PTPRD: variants seen among roughly 807,000 people sequenced by gnomAD.
PTPRD encodes the protein receptor-type tyrosine-protein phosphatase delta.
In PTPRD, 34 loss-of-function variants were observed where a neutral mutation model predicts 214.5. That is an observed-to-expected ratio of 0.16 (90% confidence interval 0.12 to 0.21). PTPRD has a LOEUF of 0.21. PTPRD is among the 10% of genes least tolerant of loss of function. The pLI is 1.00. For missense variants in PTPRD, 2,545 were observed against 2,398.7 expected, an observed-to-expected ratio of 1.06 and a Z score of -1.27; for synonymous variants, 1,128 against 845.7, an observed-to-expected ratio of 1.33 and a Z score of -5.79.
At chr9:8,809,492 G>A (rs1049069138) in intron 11 of PTPRD, among the ~76,000 whole-genome samples, 2 of 152,122 alleles carry the variant, frequency 1.3e-5, no homozygotes, top group East Asian at 1.9e-4. Flanking sequence ...GAAGCTGTCT[G>A]CTTTCCATTT....
At chr9:10,329,781 T>C (rs888118340) in intron 3 of PTPRD, among the ~76,000 whole-genome samples, 1 of 151,842 alleles carries the variant, frequency 6.6e-6, no homozygotes, top group African/African-American at 2.4e-5. Flanking sequence ...ATGCTACATA[T>C]GCCATTTTGT....
chr9:10,268,650 C>T lies in PTPRD; in HGVS notation c.-545+72313G>A, dbSNP rs995739990. Among the ~76,000 whole-genome samples, 7 of 152,252 alleles carry T rather than the reference C, an allele frequency of 4.6e-5. No homozygotes were observed. In the South Asian group the frequency reaches 6.2e-4, roughly 14 times the overall value. ...TGCTGAGTTCCATTTGTACAAAACACCTCATCTGTTACTCACATTGTCTCC... is the reference window on the plus strand; with the variant it reads ...TGCTGAGTTCCATTTGTACAAAACATCTCATCTGTTACTCACATTGTCTCC... On this transcript the variant is annotated intron_variant, in intron 3 of 45. Coordinates refer to ENST00000381196, the MANE Select transcript of PTPRD (RefSeq NM_002839.4).
rs35659936 is a variant in PTPRD, at chr9:9,467,213, CTT to C, written c.-236-69733_-236-69732del. On this transcript the variant is annotated intron_variant, in intron 8 of 45. Transcript: ENST00000381196. Reference sequence around the variant, plus strand: ...CATATAGAGATGATGGTTCATTTATCTTTTTTTTTTTTTTTTTTTTTTTTAAC... The same window carrying C: ...CATATAGAGATGATGGTTCATTTATCTTTTTTTTTTTTTTTTTTTTTTAAC... 3.7e-3 allele frequency among the ~76,000 whole-genome samples: 347 copies of C among 92,870 alleles called. 2 individuals are homozygous for C. The highest frequency in any genetic ancestry group is 0.014 in the Middle Eastern group (2 of 140). The allele number at this position is 92,870 out of a possible 152,430, so 60.9% of individuals were successfully genotyped here.
intron 7 of PTPRD, among the ~76,000 whole-genome samples, chr9:9,610,177 G>C (rs1425625975): frequency 6.6e-6 from 1 of 152,122 alleles, no homozygotes; most frequent in Non-Finnish European, 1.5e-5. Context: ...TTATAATGTA[G>C]CGTATTTCAA....
intron 3 of PTPRD, among the ~76,000 whole-genome samples, chr9:10,303,956 A>G (rs584214): frequency 0.24 from 37,199 of 151,904 alleles, 5,018 homozygotes; most frequent in African/African-American, 0.37. Context: ...AAGAGACACA[A>G]CAAAAAAAGA....
intron 9 of PTPRD, among the ~76,000 whole-genome samples, chr9:9,195,377 G>A (rs924035511): frequency 6.6e-6 from 1 of 152,004 alleles, no homozygotes; most frequent in Admixed American, 6.6e-5. Flanking sequence ...AACATGCTTT[G>A]GGTGATAGAA....
At chr9:10,334,096 G>A (rs761649332) in intron 3 of PTPRD, among the ~76,000 whole-genome samples, 2 of 151,572 alleles carry the variant, frequency 1.3e-5, no homozygotes, top group African/African-American at 4.8e-5. Context: ...CAATGACCAG[G>A]TGCTGAAGCT....
chr9:10,492,127 G>A (rs1159869120), intron 2 of PTPRD, among the ~76,000 whole-genome samples: 3 of 152,076 alleles, frequency 2.0e-5, no homozygotes, highest in South Asian at 2.1e-4. Flanking sequence ...TGGGCATTTG[G>A]GTTGATTCCA....
chr9:9,530,345 G>C (rs2075173311), intron 8 of PTPRD, among the ~76,000 whole-genome samples: 1 of 152,082 alleles, frequency 6.6e-6, no homozygotes, highest in Non-Finnish European at 1.5e-5. Context: ...GAATATCAAA[G>C]ACTTTTATGA....
chr9:9,319,529 T>G (rs1402364919), intron 9 of PTPRD, among the ~76,000 whole-genome samples: 1 of 152,208 alleles, frequency 6.6e-6, no homozygotes, highest in Non-Finnish European at 1.5e-5. Context: ...AATTTAAATG[T>G]TATACAATCG....
intron 8 of PTPRD, among the ~76,000 whole-genome samples, chr9:9,429,132 T>C (rs1254921475): frequency 2.0e-5 from 3 of 151,916 alleles, no homozygotes; most frequent in Non-Finnish European, 4.4e-5. Context: ...TTTGAAAAGA[T>C]CAATGAAATT....
chr9:8,416,315 A>G (rs1201659425), intron 35 of PTPRD, among the ~76,000 whole-genome samples: 1 of 152,186 alleles, frequency 6.6e-6, no homozygotes, highest in Non-Finnish European at 1.5e-5. Flanking sequence ...GAATACACAC[A>G]CATATAAAAA....
At chr9:9,238,001 G>T (rs7863734) in intron 9 of PTPRD, among the ~76,000 whole-genome samples, 5 of 151,964 alleles carry the variant, frequency 3.3e-5, no homozygotes, top group Admixed American at 2.0e-4. Context: ...TCCTTGATAT[G>T]TTCCCCTTCA....
chr9:9,765,710 G>A (rs1275027853), intron 6 of PTPRD, among the ~76,000 whole-genome samples: 1 of 152,158 alleles, frequency 6.6e-6, no homozygotes, highest in Non-Finnish European at 1.5e-5. Context: ...GCCCAGGCTG[G>A]AGTGCAGTGG....
intron 4 of PTPRD, among the ~76,000 whole-genome samples, chr9:10,004,316 T>G (rs2096413948): frequency 6.6e-6 from 1 of 151,810 alleles, no homozygotes; most frequent in Non-Finnish European, 1.5e-5. Flanking sequence ...TAAGAGGGAA[T>G]TTGCCATGTG....
At chr9:9,274,721 T>C (rs1944298503) in intron 9 of PTPRD, among the ~76,000 whole-genome samples, 1 of 151,108 alleles carries the variant, frequency 6.6e-6, no homozygotes, top group South Asian at 2.1e-4. Context: ...ATAATTGGTG[T>C]CTTAAAATAC....
chr9:8,833,108 C>T (rs561371382), intron 11 of PTPRD, among the ~76,000 whole-genome samples: 1 of 152,148 alleles, frequency 6.6e-6, no homozygotes, highest in African/African-American at 2.4e-5. Flanking sequence ...ATACACAGGC[C>T]ACAGCAACAG....
intron 8 of PTPRD, among the ~76,000 whole-genome samples, chr9:9,447,947 C>T (rs901513824): frequency 1.3e-5 from 2 of 152,010 alleles, no homozygotes; most frequent in African/African-American, 4.8e-5. Flanking sequence ...AGAAGCCAGG[C>T]CACATAGTCT....
At chr9:8,988,907 A>G (rs2099355775) in intron 11 of PTPRD, among the ~76,000 whole-genome samples, 1 of 152,150 alleles carries the variant, frequency 6.6e-6, no homozygotes, top group Non-Finnish European at 1.5e-5. Flanking sequence ...GAAAATTGGC[A>G]TGAATGAATG....
Sources: allele counts gnomAD v4.1 joint callset (sites outside exome capture counted in the v4.1 genomes callset), GRCh38; gene constraint gnomAD v4.1.1; transcripts MANE v1.5; gene names NCBI Gene and HGNC (gene_info 2026-07-23, HGNC 2026-07-21).